TNKS2: variants seen among roughly 807,000 people sequenced by gnomAD.
The protein encoded by TNKS2 is poly [ADP-ribose] polymerase tankyrase-2.
A neutral mutation model predicts 137.6 loss-of-function variants in TNKS2; 72 were observed. The observed-to-expected ratio is 0.52, with a 90% CI of 0.43 to 0.64. The LOEUF is 0.64. Among genes scored for constraint, TNKS2 ranks in the 30% least tolerant of loss-of-function variants. TNKS2 has a pLI of 0.00. For synonymous variants in TNKS2, 516 were observed against 512.1 expected (o/e 1.01, Z -0.10); for missense variants, 1,049 against 1,410.2 (o/e 0.74, Z 4.10).
chr10:91,862,600 A>T lies in TNKS2; in HGVS notation c.3439-337A>T, dbSNP rs1282574845. Among the ~76,000 whole-genome samples, 4 of 152,222 alleles carry T rather than the reference A, an allele frequency of 2.6e-5. No homozygotes were observed. The East Asian group carries it at 5.8e-4, about 22-fold the overall frequency. On this transcript the variant is annotated intron_variant, in intron 26 of 26. Coordinates refer to ENST00000371627, the MANE Select transcript of TNKS2 (RefSeq NM_025235.4). ...AACAGCCTGTCCATAGCAAAGAAGT[A>T]TATAACTGTGTTTTGCTCTCAGTGA...
In TNKS2 at chr10:91,848,428, G is replaced by T. The variant is rs770911027; in HGVS notation, c.2404G>T (p.Ala802Ser). 1 of 1,614,074 alleles carries T rather than the reference G, an allele frequency of 6.2e-7. No individual in the cohort carries two copies. The highest frequency in any genetic ancestry group is 1.3e-5 in the African/African-American group (1 of 74,928). Residue 802 changes from alanine (A) to serine (S), a missense_variant, in exon 19 of 27, where the codon GCT becomes TCT. Physicochemically the swap from Ala to Ser is moderately conservative, Grantham distance 99. Coordinates refer to ENST00000371627, the MANE Select transcript of TNKS2 (RefSeq NM_025235.4). ...ALLTAAMPPS[A>S]LPSCYKPQVL... ...TCTGACAGCAGCCATGCCCCCATCTGCTCTGCCCTCTTGTTACAAGCCTCA... is the reference window on the plus strand; with the variant it reads ...TCTGACAGCAGCCATGCCCCCATCTTCTCTGCCCTCTTGTTACAAGCCTCA...
chr10:91,834,118 A>G, intron 12 of TNKS2, 94 bp downstream of exon 12: 1 of 1,064,970 alleles, frequency 9.4e-7, no homozygotes, highest in South Asian at 2.7e-5. Flanking sequence ...GTAATAAGAA[A>G]AATTGAGAAT....
At chr10:91,838,343 T>C (rs1241692809) in intron 13 of TNKS2, among the ~76,000 whole-genome samples, 1 of 152,078 alleles carries the variant, frequency 6.6e-6, no homozygotes, top group Admixed American at 6.6e-5. Flanking sequence ...TGATGGACAT[T>C]TATCTCCATC....
intron 11 of TNKS2, among the ~76,000 whole-genome samples, chr10:91,832,258 T>TG (rs1845273934): frequency 6.6e-6 from 1 of 152,202 alleles, no homozygotes; most frequent in Non-Finnish European, 1.5e-5. Flanking sequence ...TTTTCATACT[T>TG]GTGGTACATT....
intron 6 of TNKS2, among the ~76,000 whole-genome samples, chr10:91,820,558 G>A (rs184821016): frequency 6.6e-5 from 10 of 152,342 alleles, no homozygotes; most frequent in Admixed American, 2.0e-4. Flanking sequence ...GACAAATGAA[G>A]TTTAGGATTA....
At chr10:91,798,950 C>G in intron 1 of TNKS2, 61 bp downstream of exon 1, 1 of 1,307,844 alleles carries the variant, frequency 7.6e-7, no homozygotes, top group East Asian at 3.1e-5. Flanking sequence ...CCGGGGCCCA[C>G]AGGTCTGAAA....
intron 9 of TNKS2, among the ~76,000 whole-genome samples, chr10:91,828,696 C>G (rs1403947192): frequency 2.0e-5 from 3 of 152,070 alleles, no homozygotes; most frequent in Non-Finnish European, 4.4e-5. Flanking sequence ...TATAGTTTGC[C>G]TTTTTAGGGG....
At chr10:91,827,998 A>G (rs1845119224) in intron 8 of TNKS2, among the ~76,000 whole-genome samples, 1 of 152,146 alleles carries the variant, frequency 6.6e-6, no homozygotes, top group Non-Finnish European at 1.5e-5. Flanking sequence ...AGTACTCCAG[A>G]TATCCCAAAA....
chr10:91,841,911 G>A (rs11186707), intron 15 of TNKS2, among the ~76,000 whole-genome samples: 9,577 of 151,980 alleles, frequency 0.063, 979 homozygotes, highest in African/African-American at 0.22. Context: ...AATTTTTAAT[G>A]AAATATGACT....
intron 24 of TNKS2, 49 bp downstream of exon 24, chr10:91,857,579 G>C (rs369432985): frequency 7.9e-7 from 1 of 1,267,318 alleles, no homozygotes; most frequent in Non-Finnish European, 1.1e-6. Flanking sequence ...CATTAGGATA[G>C]TTTTTTTGTT....
chr10:91,811,002 A>C (rs1287397588), intron 1 of TNKS2, among the ~76,000 whole-genome samples: 2 of 122,262 alleles, frequency 1.6e-5, no homozygotes, highest in Non-Finnish European at 3.1e-5. Flanking sequence ...ATCTCGGCTC[A>C]CTGCAACCTA....
At chr10:91,834,733 A>G (rs1841942996) in intron 12 of TNKS2, among the ~76,000 whole-genome samples, 1 of 152,208 alleles carries the variant, frequency 6.6e-6, no homozygotes, top group African/African-American at 2.4e-5. Context: ...GAATCTACCA[A>G]AACTGTGAAC....
intron 1 of TNKS2, among the ~76,000 whole-genome samples, chr10:91,804,741 G>T (rs80137169): frequency 0.014 from 2,160 of 152,258 alleles, 39 homozygotes; most frequent in Middle Eastern, 0.031. Flanking sequence ...CCTCAGTTTG[G>T]GAAGTATGGT....
chr10:91,851,876 A>C (rs1204619598), intron 21 of TNKS2, among the ~76,000 whole-genome samples: 1 of 152,240 alleles, frequency 6.6e-6, no homozygotes, highest in African/African-American at 2.4e-5. Context: ...TGCTTAAGGA[A>C]AATGCAAATT....
At chr10:91,862,331 C>A (rs1366783111) in intron 26 of TNKS2, among the ~76,000 whole-genome samples, 176 bp downstream of exon 26, 3 of 152,096 alleles carry the variant, frequency 2.0e-5, no homozygotes, top group Non-Finnish European at 4.4e-5. Context: ...TTTCTTATAA[C>A]CTTTACCTAG....
chr10:91,846,955 C>T (rs1842393718), intron 18 of TNKS2, among the ~76,000 whole-genome samples: 1 of 152,178 alleles, frequency 6.6e-6, no homozygotes, highest in Admixed American at 6.5e-5. Flanking sequence ...TCCAGCTGCA[C>T]GATTTAAGTT....
At chr10:91,826,894 G>T in intron 7 of TNKS2, 123 bp from the exon 8 acceptor site, 1 of 896,378 alleles carries the variant, frequency 1.1e-6, no homozygotes, top group Non-Finnish European at 1.5e-6. Flanking sequence ...GAAATAATTG[G>T]CTCAAAAAGT....
At chr10:91,803,047 G>A (rs980648906) in intron 1 of TNKS2, among the ~76,000 whole-genome samples, 1 of 152,132 alleles carries the variant, frequency 6.6e-6, no homozygotes, top group Non-Finnish European at 1.5e-5. Flanking sequence ...CATTCAGATG[G>A]TCAAAATTTC....
Position 91,855,659 on chromosome 10 carries a change from G to A in TNKS2, c.2959G>A (p.Gly987Arg). ...REHRDGGHAG[G>R]IFNRYNILKI... ...GCACAGAGATGGAGGTCATGCAGGT[G>A]GAATCTTCAACAGATACAATATTCT... The change falls in exon 23 of 27, where the codon GGA becomes AGA. Residue 987 changes from glycine to arginine, a missense_variant. This residue lies in a region of TNKS2 where 133 missense variants were observed against 248.4 expected (regional missense o/e 0.54). Transcript: ENST00000371627. 1 of 1,612,670 alleles carries A rather than the reference G, an allele frequency of 6.2e-7. No individual in the cohort carries two copies. The highest frequency in any genetic ancestry group is 8.5e-7 in the Non-Finnish European group (1 of 1,179,304).
Sources: allele counts gnomAD v4.1 joint callset (sites outside exome capture counted in the v4.1 genomes callset), GRCh38; gene constraint gnomAD v4.1.1; regional missense constraint gnomAD v4.1.1; transcripts MANE v1.5; gene names NCBI Gene and HGNC (gene_info 2026-07-23, HGNC 2026-07-21).